Variants in PCDHGA7 observed in about 807,000 individuals in gnomAD.
PCDHGA7 encodes the protein protocadherin gamma subfamily A, 7.
In PCDHGA7, 44 loss-of-function variants were observed where a neutral mutation model predicts 58.3. The observed-to-expected ratio is 0.75, with a 90% CI of 0.59 to 0.97. The LOEUF is 0.97. Among genes scored for constraint, PCDHGA7 ranks in the 50% least tolerant of loss-of-function variants. The probability of loss-of-function intolerance (pLI) is 0.00; values close to 1 mark genes in which losing one functional copy is unlikely to be tolerated. For missense variants in PCDHGA7, 1,266 were observed against 1,188.7 expected (o/e 1.06, Z -0.96); for synonymous variants, 516 against 504.2 (o/e 1.02, Z -0.31).
rs187307897 is a variant in PCDHGA7 at position 141,505,900 on chromosome 5, A to G, written c.2572+419A>G. 2.6e-4 allele frequency among the ~76,000 whole-genome samples: 39 copies of G among 152,296 alleles called. 1 individual carries two copies. In the East Asian group the frequency reaches 6.8e-3, roughly 26 times the overall value. ...TGTAGAGATTAAATGAGATGATACCACAAAGCATAGAGTTCTGGGCCTGGC... is the reference window on the plus strand; with the variant it reads ...TGTAGAGATTAAATGAGATGATACCGCAAAGCATAGAGTTCTGGGCCTGGC... On this transcript the variant is annotated intron_variant, in intron 3 of 3. Transcript: ENST00000518325.
intron 1 of PCDHGA7, chr5:141,395,735 A>T (rs1226671096): frequency 6.5e-6 from 1 of 153,508 alleles, no homozygotes; most frequent in East Asian, 1.9e-4. Context: ...TCTTCACTTT[A>T]AACCTCTTTT....
At chr5:141,418,566 A>G (rs2096269931) in intron 1 of PCDHGA7, 2 of 1,614,054 alleles carry the variant, frequency 1.2e-6, no homozygotes, top group South Asian at 1.1e-5. Context: ...ATAGATGCCA[A>G]TGACAACCCC....
intron 1 of PCDHGA7, chr5:141,409,276 G>T: frequency 6.2e-7 from 1 of 1,614,000 alleles, no homozygotes; most frequent in Non-Finnish European, 8.5e-7. Flanking sequence ...AGATTTTGGA[G>T]AATTCACCTC....
Position 141,485,465 on chromosome 5 carries a change from C to T in PCDHGA7, c.2425-9342C>T. ...AATCGACCGAGAGGCACTGTGTGGG[C>T]TCAGTGCCAGCTGCATCGTGCCCCT... On this transcript the variant is annotated intron_variant, in intron 1 of 3. Coordinates refer to ENST00000518325, the MANE Select transcript of PCDHGA7 (RefSeq NM_018920.4). This position sits in a 1 kb window ranked among gnomAD's most constrained non-coding sequence, Gnocchi z 5.7. 6.2e-7 allele frequency: 1 copy of T among 1,614,162 alleles called. No homozygotes were observed.
chr5:141,395,547 TGTGTGTGTGTG>T (rs750624769), intron 1 of PCDHGA7: 54,616 of 173,956 alleles, frequency 0.31, 7,840 homozygotes, highest in East Asian at 0.41. Context: ...ATTGTTTGTG[TGTGTGTGTGTG>T]TGTGTGTGTG....
chr5:141,393,263 A>G, intron 1 of PCDHGA7: 2 of 1,613,926 alleles, frequency 1.2e-6, no homozygotes, highest in Non-Finnish European at 1.7e-6. Context: ...TTCCTGGAGC[A>G]CGTTATCCAC....
intron 1 of PCDHGA7, chr5:141,408,814 A>G (rs1473137465): frequency 6.8e-6 from 11 of 1,613,456 alleles, no homozygotes; most frequent in Non-Finnish European, 8.5e-6. Context: ...ACCGGGAAGA[A>G]CAGAGATCTC....
Position 141,491,478 on chromosome 5 carries a change from C to A in PCDHGA7, c.2425-3329C>A. ...CCCCGGACTTCTATAAGCAGTCCAG[C>A]CCCAACCTGCAGGTGAGCTCGGACG... On this transcript the variant is annotated intron_variant, in intron 1 of 3. Coordinates refer to ENST00000518325, the MANE Select transcript of PCDHGA7 (RefSeq NM_018920.4). The surrounding 1 kb of genome is among the most constrained non-coding windows in gnomAD (Gnocchi z 6.9). 6.2e-7 allele frequency: 1 copy of A among 1,614,068 alleles called. No individual in the cohort carries two copies. Among genetic ancestry groups the A allele is most frequent in the Non-Finnish European group, 8.5e-7 (1 of 1,180,004 alleles).
rs745334496 is a variant in PCDHGA7 at position 141,478,302 on chromosome 5, C to A, written c.2425-16505C>A. 47 of 1,613,952 alleles carry A rather than the reference C, an allele frequency of 2.9e-5. 1 individual carries two copies. In the Admixed American group the frequency reaches 7.0e-4, roughly 24 times the overall value. On this transcript the variant is annotated intron_variant, in intron 1 of 3. Transcript: ENST00000518325. ...AAGCAGTCTAGAGACCTATACCGAGCCCCGGTGAGCTCACTGTACCGAACA... is the reference window on the plus strand; with the variant it reads ...AAGCAGTCTAGAGACCTATACCGAGACCCGGTGAGCTCACTGTACCGAACA...
rs773126086 is a variant in PCDHGA7 at position 141,487,392 on chromosome 5, G to C, written c.2425-7415G>C. The C allele has an allele frequency of 6.2e-7, 1 of 1,614,176 alleles. No homozygotes were observed. Among genetic ancestry groups the C allele is most frequent in the Non-Finnish European group, 8.5e-7 (1 of 1,180,024 alleles). ...GCCTGTCTCACCAGATCTCGAAGGA[G>C]GGAGGGGCTTCCCCCTTCCAATGGG... On this transcript the variant is annotated intron_variant, in intron 1 of 3. Coordinates refer to ENST00000518325, the MANE Select transcript of PCDHGA7 (RefSeq NM_018920.4). This position sits in a 1 kb window ranked among gnomAD's most constrained non-coding sequence, Gnocchi z 5.0.
chr5:141,494,901 G>C, intron 2 of PCDHGA7, 36 bp downstream of exon 2: 1 of 1,614,050 alleles, frequency 6.2e-7, no homozygotes, highest in Non-Finnish European at 8.5e-7. Context: ...CCTCTTCTCT[G>C]CGGCATTTTC....
At position 141,486,543 on chromosome 5, in the gene PCDHGA7, A is replaced by G; in HGVS notation, c.2425-8264A>G. Reference sequence around the variant, plus strand: ...AATGATAATCCACCCTCTTTCTTTCAGAGGTCACATGAGGTGTTTGTTCCT... The same window carrying G: ...AATGATAATCCACCCTCTTTCTTTCGGAGGTCACATGAGGTGTTTGTTCCT... On this transcript the variant is annotated intron_variant, in intron 1 of 3. Transcript: ENST00000518325. This position sits in a 1 kb window ranked among gnomAD's most constrained non-coding sequence, Gnocchi z 5.0. 6.2e-7 allele frequency: 1 copy of G among 1,614,080 alleles called. No individual in the cohort carries two copies. Among genetic ancestry groups the G allele is most frequent in the Non-Finnish European group, 8.5e-7 (1 of 1,180,020 alleles).
chr5:141,383,340 T>C lies in PCDHGA7; in HGVS notation c.441T>C (p.Ala147=), dbSNP rs1475808617. Residue 147 remains alanine (A), a synonymous_variant, in exon 1 of 4, where the codon GCT becomes GCC. Transcript: ENST00000518325. ...EINVKIMENT[A]PGVRFPLSEA... ...ATGTAAAAATAATGGAGAATACAGC[T>C]CCTGGGGTTCGGTTTCCGTTAAGCG... 9.3e-6 allele frequency: 15 copies of C among 1,614,016 alleles called. No individual in the cohort carries two copies. The highest frequency in any genetic ancestry group is 1.2e-5 in the Non-Finnish European group (14 of 1,179,902).
intron 1 of PCDHGA7, among the ~76,000 whole-genome samples, chr5:141,456,083 G>A (rs2098842632): frequency 6.6e-6 from 1 of 151,960 alleles, no homozygotes; most frequent in South Asian, 2.1e-4. Context: ...ATTTTCAGTA[G>A]AGACGGGATT....
At chr5:141,488,738 ATGCAGGAAGT>A (rs771423337) in intron 1 of PCDHGA7, among the ~76,000 whole-genome samples, 1 of 152,222 alleles carries the variant, frequency 6.6e-6, no homozygotes, top group Non-Finnish European at 1.5e-5. Flanking sequence ...TTCTGAAGTC[ATGCAGGAAGT>A]TGCTGGGACA....
intron 1 of PCDHGA7, among the ~76,000 whole-genome samples, chr5:141,456,105 G>T (rs2098843517): frequency 6.6e-6 from 1 of 151,978 alleles, no homozygotes; most frequent in Non-Finnish European, 1.5e-5. Context: ...CACCGTGTTA[G>T]CCAGGATGGT....
chr5:141,503,222 G>C (rs540244346), intron 2 of PCDHGA7, among the ~76,000 whole-genome samples: 1 of 152,120 alleles, frequency 6.6e-6, no homozygotes, highest in Middle Eastern at 3.4e-3. Context: ...CATGAGCACC[G>C]TAAAGATGGA....
In PCDHGA7 at chr5:141,383,068, C is replaced by T. The variant is rs376511249; in HGVS notation, c.169C>T (p.Arg57Trp). 1 of 1,613,846 alleles carries T rather than the reference C, an allele frequency of 6.2e-7. No individual in the cohort carries two copies. The highest frequency in any genetic ancestry group is 1.3e-5 in the African/African-American group (1 of 75,042). ...DIAKDLGLEPRELAERGVRII... is the reference protein window; with the variant it reads ...DIAKDLGLEPWELAERGVRII... The stretch of plus-strand genomic sequence containing the variant: ...CGCCAAGGACCTGGGGCTGGAGCCC[C>T]GGGAGCTGGCGGAGCGCGGAGTCCG... The change falls in exon 1 of 4, where the codon CGG becomes TGG. Residue 57 changes from arginine (R) to tryptophan (W), a missense_variant. Coordinates refer to ENST00000518325, the MANE Select transcript of PCDHGA7 (RefSeq NM_018920.4).
At chr5:141,422,724 G>T (rs560544401) in intron 1 of PCDHGA7, 3 of 1,606,016 alleles carry the variant, frequency 1.9e-6, no homozygotes, top group Admixed American at 3.3e-5. Context: ...CTGTCCAGGG[G>T]GTGCCTCTGT....
Sources: allele counts gnomAD v4.1 joint callset (sites outside exome capture counted in the v4.1 genomes callset), GRCh38; gene constraint gnomAD v4.1.1; non-coding constraint Gnocchi (gnomAD v3.1); transcripts MANE v1.5; gene names NCBI Gene and HGNC (gene_info 2026-07-23, HGNC 2026-07-21).